The following RBFOX3 variants were observed in gnomAD, a reference collection of about 807,000 sequenced individuals.
RBFOX3 encodes RNA binding protein fox-1 homolog 3.
In RBFOX3, 17 loss-of-function variants were observed where a neutral mutation model predicts 48.7. The observed-to-expected ratio is 0.35, with a 90% CI of 0.24 to 0.52. The LOEUF (loss-of-function observed/expected upper bound fraction) is 0.52. Ranked by LOEUF, RBFOX3 falls within the 20% of genes least tolerant of loss-of-function variation. The pLI, the probability that RBFOX3 is intolerant of heterozygous loss-of-function variation, is 0.94. For synonymous variants in RBFOX3, 212 were observed against 209.5 expected, an observed-to-expected ratio of 1.01 and a Z score of -0.10; for missense variants, 382 against 497.5, an observed-to-expected ratio of 0.77 and a Z score of 2.21.
At chr17:79,487,057 A>T (rs1266215429) in intron 1 of RBFOX3, among the ~76,000 whole-genome samples, 1 of 152,218 alleles carries the variant, frequency 6.6e-6, no homozygotes, top group African/African-American at 2.4e-5. Context: ...AGGGAGAGGG[A>T]GGTAGCAGAA....
chr17:79,384,792 A>G (rs8075432), intron 2 of RBFOX3, among the ~76,000 whole-genome samples: 24,622 of 152,200 alleles, frequency 0.16, 2,118 homozygotes, highest in Non-Finnish European at 0.18. Flanking sequence ...TCCCACCCAC[A>G]CCGGCCCCTG....
intron 5 of RBFOX3, among the ~76,000 whole-genome samples, chr17:79,109,127 G>C (rs117129174): frequency 0.068 from 10,359 of 152,282 alleles, 495 homozygotes; most frequent in Non-Finnish European, 0.097. Flanking sequence ...TGAGGCTCCG[G>C]GTGGATCCTG....
At chr17:79,656,774 G>A in the RBFOX3 span, among the ~76,000 whole-genome samples, 4,561 of 26,270 alleles carry the variant, frequency 0.17, 239 homozygotes, top group Non-Finnish European at 0.2. Context: ...AGGAAGGAAG[G>A]AAGGAAAGAA....
chr17:79,211,291 G>C (rs1247444250), intron 4 of RBFOX3, among the ~76,000 whole-genome samples: 1 of 152,178 alleles, frequency 6.6e-6, no homozygotes, highest in African/African-American at 2.4e-5. Flanking sequence ...TTTGGCACAC[G>C]GCAGCCTGTG....
intron 1 of RBFOX3, among the ~76,000 whole-genome samples, chr17:79,510,460 G>C (rs1326095548): frequency 6.6e-5 from 10 of 152,184 alleles, no homozygotes; most frequent in African/African-American, 2.2e-4. Context: ...ACCCTCAGCC[G>C]CACCAAATCC....
chr17:79,098,168 T>A, intron 9 of RBFOX3: 1 of 174,670 alleles, frequency 5.7e-6, no homozygotes, highest in South Asian at 1.4e-4. Flanking sequence ...GAGCTCCAGG[T>A]GGCCAGAGGC....
chr17:79,218,017 C>A (rs963315627), intron 4 of RBFOX3, among the ~76,000 whole-genome samples: 1 of 151,618 alleles, frequency 6.6e-6, no homozygotes, highest in Non-Finnish European at 1.5e-5. Flanking sequence ...AGTGGGAAGT[C>A]GGGGTAGAGG....
chr17:79,091,911 A>G, intron 14 of RBFOX3: 8 of 963,072 alleles, frequency 8.3e-6, no homozygotes, highest in South Asian at 9.6e-5. Flanking sequence ...CAGTTTGCAC[A>G]CCACGCGACA....
chr17:79,236,482 G>A (rs1393079755), intron 3 of RBFOX3, among the ~76,000 whole-genome samples: 1 of 152,074 alleles, frequency 6.6e-6, no homozygotes, highest in East Asian at 1.9e-4. Flanking sequence ...TAGAGACGGG[G>A]GTCTCGCCAT....
At chr17:79,301,095 G>A (rs141568074) in intron 3 of RBFOX3, among the ~76,000 whole-genome samples, 21 of 152,290 alleles carry the variant, frequency 1.4e-4, no homozygotes, top group African/African-American at 1.7e-4. Flanking sequence ...TTTAACATAC[G>A]TAGGCCCCAG....
intron 4 of RBFOX3, among the ~76,000 whole-genome samples, chr17:79,138,628 C>T (rs1292059965): frequency 5.6e-5 from 4 of 71,224 alleles, no homozygotes; most frequent in African/African-American, 1.7e-4. Context: ...CACGTGTTCA[C>T]ACCTCCTCAC....
rs532761546 is a variant in RBFOX3, at chr17:79,156,525, T to A, written c.-33-40777A>T. Among the ~76,000 whole-genome samples the A allele has an allele frequency of 9.7e-4, 147 of 152,298 alleles. 1 individual carries two copies. Among genetic ancestry groups the A allele is most frequent in the African/African-American group, 3.4e-3 (141 of 41,564 alleles). On this transcript the variant is annotated intron_variant, in intron 4 of 14. Coordinates refer to ENST00000693108, the MANE Select transcript of RBFOX3 (RefSeq NM_001350451.2). ...CCTCACCCCTCTTCCACGTCTCCAG[T>A]TGGGCAGGCCTAGGGTCCCCATGGT...
Position 79,443,324 on chromosome 17 carries a change from A to T in RBFOX3, c.-175+39130T>A, listed in dbSNP as rs1555736181. ...CAGGCCAAGGCCTTGCCAAACACAC[A>T]CTCACATAAATGCAGTCATGCTTAG... On this transcript the variant is annotated intron_variant, in intron 2 of 14. Coordinates refer to ENST00000693108, the MANE Select transcript of RBFOX3 (RefSeq NM_001350451.2). The surrounding 1 kb of genome is among the most constrained non-coding windows in gnomAD (Gnocchi z 4.4). Among the ~76,000 whole-genome samples, 1 of 151,698 alleles carries T rather than the reference A, an allele frequency of 6.6e-6. No individual in the cohort carries two copies. The highest frequency in any genetic ancestry group is 1.5e-5 in the Non-Finnish European group (1 of 67,984).
Position 79,097,365 on chromosome 17 carries a change from G to T in RBFOX3, c.682C>A (p.Arg228=). The stretch of plus-strand genomic sequence containing the variant: ...TTATACACGGCCCGGCCCCGGCCCC[G>T]AAGATGTGCGCCCCGGTAGGCAACG... ...TAVAYRGAHL[R]GRGRAVYNTF... Residue 228 remains arginine, a synonymous_variant, in exon 11 of 15, where the codon CGG becomes AGG. Transcript: ENST00000693108. 1.3e-6 allele frequency: 2 copies of T among 1,548,406 alleles called. No homozygotes were observed. The highest frequency in any genetic ancestry group is 2.4e-5 in the East Asian group (1 of 40,828).
intron 4 of RBFOX3, among the ~76,000 whole-genome samples, chr17:79,193,962 G>A (rs2055028273): frequency 6.6e-6 from 1 of 152,174 alleles, no homozygotes; most frequent in Admixed American, 6.5e-5. Context: ...GAGCATGAAG[G>A]GAGGAAGGCC....
intron 4 of RBFOX3, among the ~76,000 whole-genome samples, chr17:79,179,412 G>A (rs1239866466): frequency 6.6e-6 from 1 of 152,152 alleles, no homozygotes; most frequent in Non-Finnish European, 1.5e-5. Flanking sequence ...CCTCAGCAAG[G>A]GAGACTATCT....
At chr17:79,629,462 C>T in the RBFOX3 span, among the ~76,000 whole-genome samples, 1 of 152,190 alleles carries the variant, frequency 6.6e-6, no homozygotes, top group Non-Finnish European at 1.5e-5. Flanking sequence ...TTTTTTCCAC[C>T]TGCCAGATTT....
intron 4 of RBFOX3, among the ~76,000 whole-genome samples, chr17:79,143,215 C>T (rs1045343649): frequency 5.3e-5 from 8 of 152,138 alleles, no homozygotes; most frequent in Non-Finnish European, 8.8e-5. Context: ...TAGCACTGAC[C>T]GGATCTTGGC....
chr17:79,177,743 G>A (rs769871038), intron 4 of RBFOX3, among the ~76,000 whole-genome samples: 1 of 152,196 alleles, frequency 6.6e-6, no homozygotes, highest in African/African-American at 2.4e-5. Context: ...GTAGTTCCTG[G>A]GAACTGGTAC....
Sources: gnomAD v4.1 joint callset for allele counts (sites outside exome capture counted in the v4.1 genomes callset) on GRCh38, gnomAD v4.1.1 for gene constraint, Gnocchi (gnomAD v3.1) non-coding constraint, MANE v1.5 for transcripts, NCBI Gene and HGNC (gene_info 2026-07-23, HGNC 2026-07-21) for gene names.